Variants in SYCP2L observed in about 807,000 individuals in gnomAD.
The protein encoded by SYCP2L is synaptonemal complex protein 2 like.
SYCP2L carries 98 observed loss-of-function variants against 125.8 expected under a neutral mutation model. The ratio of observed to expected loss-of-function variants is 0.78; its 90% CI spans 0.66 to 0.92. SYCP2L has a LOEUF of 0.92. Ranked by LOEUF, SYCP2L falls within the 40% of genes least tolerant of loss-of-function variation. The pLI is 0.00. For missense variants in SYCP2L, 842 were observed against 936.4 expected (o/e 0.90, Z 1.32); for synonymous variants, 317 against 325.4 (o/e 0.97, Z 0.28).
rs753534436 is a variant in SYCP2L, at chr6:10,930,426, T to C, written c.1545T>C (p.Ser515=). 4 of 1,613,526 alleles carry C rather than the reference T, an allele frequency of 2.5e-6. No homozygotes were observed. The highest frequency in any genetic ancestry group is 2.7e-5 in the African/African-American group (2 of 74,912). ...AGAGTAATCAAGATTCAAGTACCAG[T>C]GAACTATCTTGGACCAGTAACCAGA... ...FSESNQDSST[S]ELSWTSNQKK... is the part of the protein sequence containing the mutation. The change falls in exon 19 of 30, where the codon AGT becomes AGC. Residue 515 remains serine, a synonymous_variant. Coordinates refer to ENST00000283141, the MANE Select transcript of SYCP2L (RefSeq NM_001040274.3).
chr6:10,924,645 G>T lies in SYCP2L; in HGVS notation c.1218+4G>T. ...AGCTTTAGGAGAAGACAAACAGGTG[G>T]CAGGTTTCATTCTTTTGGATTATTT... On this transcript the variant is annotated splice_donor_region_variant and intron_variant, in intron 15 of 29. Transcript: ENST00000283141. 4 of 1,551,650 alleles carry T rather than the reference G, an allele frequency of 2.6e-6. No homozygotes were observed. Among genetic ancestry groups the T allele is most frequent in the South Asian group, 1.3e-5 (1 of 79,784 alleles).
At chr6:10,907,203 G>T (rs1414657819) in intron 9 of SYCP2L, among the ~76,000 whole-genome samples, 1 of 151,992 alleles carries the variant, frequency 6.6e-6, no homozygotes, top group South Asian at 2.1e-4. Context: ...GATTAGGTAG[G>T]CATGATGACA....
chr6:10,920,097 C>T (rs553958362), intron 14 of SYCP2L, among the ~76,000 whole-genome samples: 15 of 152,224 alleles, frequency 9.9e-5, no homozygotes, highest in African/African-American at 2.6e-4. Flanking sequence ...CTGGTGCCAT[C>T]GTGGGCAGAA....
intron 20 of SYCP2L, among the ~76,000 whole-genome samples, chr6:10,932,805 G>T (rs1781020320): frequency 1.3e-5 from 2 of 152,156 alleles, no homozygotes; most frequent in Admixed American, 1.3e-4. Flanking sequence ...CTAGGCTGAA[G>T]TGCAGTAGTG....
At chr6:10,937,174 C>A (rs1242902163) in intron 21 of SYCP2L, among the ~76,000 whole-genome samples, 1 of 152,130 alleles carries the variant, frequency 6.6e-6, no homozygotes, top group Non-Finnish European at 1.5e-5. Context: ...GGACATTCTC[C>A]AGAATTGATC....
intron 26 of SYCP2L, among the ~76,000 whole-genome samples, chr6:10,960,198 G>A (rs900326740): frequency 6.6e-6 from 1 of 152,180 alleles, no homozygotes; most frequent in Non-Finnish European, 1.5e-5. Flanking sequence ...GGAATGGCAA[G>A]TTGATTTGCT....
intron 29 of SYCP2L, among the ~76,000 whole-genome samples, chr6:10,964,205 T>G (rs1298515654): frequency 2.0e-5 from 3 of 152,184 alleles, no homozygotes; most frequent in Admixed American, 6.5e-5. Context: ...GATCCGCCTG[T>G]CCTGGCCTCC....
chr6:10,891,240 GATT>G (rs1000822571), intron 1 of SYCP2L, among the ~76,000 whole-genome samples: 1 of 152,044 alleles, frequency 6.6e-6, no homozygotes, highest in Non-Finnish European at 1.5e-5. Flanking sequence ...TATTTTGTGT[GATT>G]ATTTATTCAA....
intron 23 of SYCP2L, among the ~76,000 whole-genome samples, chr6:10,945,710 C>T (rs985808991): frequency 6.7e-5 from 9 of 134,228 alleles, no homozygotes; most frequent in African/African-American, 2.3e-4. Context: ...GCGGAGGTTG[C>T]GGTGAGCCAA....
chr6:10,962,373 T>C lies in SYCP2L; in HGVS notation c.2414+815T>C, dbSNP rs556942141. Among the ~76,000 whole-genome samples the C allele has an allele frequency of 2.9e-3, 430 of 149,228 alleles. 1 individual carries two copies. The highest frequency in any genetic ancestry group is 4.6e-3 in the Non-Finnish European group (316 of 67,996). On this transcript the variant is annotated intron_variant, in intron 28 of 29. Coordinates refer to ENST00000283141, the MANE Select transcript of SYCP2L (RefSeq NM_001040274.3). ...CTTTTACTCCAATTACCACAGTTAA[T>C]GATGATGACTGTATGAACCATTTCC...
chr6:10,961,622 G>C (rs1435166116), intron 28 of SYCP2L, 64 bp downstream of exon 28: 22 of 1,516,184 alleles, frequency 1.5e-5, no homozygotes, highest in Non-Finnish European at 1.7e-5. Context: ...GCTTTAGCTA[G>C]AGAATGGGCA....
At chr6:10,887,273 C>G (rs924048288) in intron 1 of SYCP2L, 138 bp downstream of exon 1, 1 of 1,194,988 alleles carries the variant, frequency 8.4e-7, no homozygotes, top group Non-Finnish European at 1.2e-6. Flanking sequence ...CCCCCGCCAC[C>G]TCCTTGGGTT....
At position 10,898,116 on chromosome 6, in the gene SYCP2L, G is replaced by A. The variant is rs1291130009; in HGVS notation, c.441+1G>A. The A allele has an allele frequency of 6.2e-7, 1 of 1,606,548 alleles. No individual in the cohort carries two copies. Among genetic ancestry groups the A allele is most frequent in the South Asian group, 1.1e-5 (1 of 90,926 alleles). The stretch of plus-strand genomic sequence containing the variant: ...AGAAGATTTCTTTGACACTGCATTG[G>A]TAAGGATGGGATGGATGCTTCACTG... On this transcript the variant is annotated splice_donor_variant, in intron 5 of 29. Transcript: ENST00000283141. LOFTEE classifies it high-confidence loss of function.
chr6:10,926,540 C>T (rs1780900359), intron 16 of SYCP2L, 108 bp downstream of exon 16: 1 of 760,606 alleles, frequency 1.3e-6, no homozygotes, highest in Non-Finnish European at 2.2e-6. Context: ...TGATGCGTGT[C>T]TGATGGCACT....
At chr6:10,931,044 G>T (rs779440923) in intron 19 of SYCP2L, among the ~76,000 whole-genome samples, 6 of 152,194 alleles carry the variant, frequency 3.9e-5, no homozygotes, top group Non-Finnish European at 5.9e-5. Context: ...GGTGGTGTGC[G>T]CCTGTGGTCC....
intron 20 of SYCP2L, among the ~76,000 whole-genome samples, chr6:10,932,205 C>G (rs1191090281): frequency 1.3e-5 from 2 of 151,758 alleles, no homozygotes; most frequent in South Asian, 4.2e-4. Context: ...CTTAGGATAC[C>G]TTCGGGCTTA....
At chr6:10,930,265 T>A in intron 18 of SYCP2L, 105 bp from the exon 19 acceptor site, 1 of 1,206,694 alleles carries the variant, frequency 8.3e-7, no homozygotes, top group Non-Finnish European at 1.2e-6. Flanking sequence ...CCCAGTCTTC[T>A]AGAAGGGTAC....
At chr6:10,969,447 G>A (rs1334780846) in intron 29 of SYCP2L, among the ~76,000 whole-genome samples, 3 of 144,144 alleles carry the variant, frequency 2.1e-5, no homozygotes, top group Middle Eastern at 3.7e-3. Context: ...TGCAAGCTCC[G>A]CCTCCTGAGT....
chr6:10,946,853 G>A (rs978791785), intron 23 of SYCP2L, among the ~76,000 whole-genome samples: 1 of 151,172 alleles, frequency 6.6e-6, no homozygotes, highest in Non-Finnish European at 1.5e-5. Context: ...TATCTTCCTT[G>A]GCATTTGTAG....
Sources: allele counts gnomAD v4.1 joint callset (sites outside exome capture counted in the v4.1 genomes callset), GRCh38; gene constraint gnomAD v4.1.1; transcripts MANE v1.5; gene names NCBI Gene and HGNC (gene_info 2026-07-23, HGNC 2026-07-21).